Variants in USP43 observed in about 807,000 individuals in gnomAD.
USP43 encodes ubiquitin specific peptidase 43, also known as ubiquitin carboxyl-terminal hydrolase 43.
A neutral mutation model predicts 90.7 loss-of-function variants in USP43; 33 were observed. The ratio of observed to expected loss-of-function variants is 0.36; its 90% confidence interval spans 0.28 to 0.49. USP43 has a LOEUF of 0.49. Ranked by LOEUF, USP43 falls within the 20% of genes least tolerant of loss-of-function variation. USP43 has a pLI of 0.98. For missense variants in USP43, 1,274 were observed against 1,476.4 expected (o/e 0.86, Z 2.25); for synonymous variants, 598 against 615.8 (o/e 0.97, Z 0.43).
chr17:9,681,509 T>TATATATATATATATA (rs58110468), intron 6 of USP43, among the ~76,000 whole-genome samples: 2 of 110,682 alleles, frequency 1.8e-5, no homozygotes, highest in East Asian at 2.2e-4. Flanking sequence ...TATATATATA[T>TATATATATATATATA]TTGAGATGGT....
chr17:9,718,465 G>A (rs73259666), intron 14 of USP43, among the ~76,000 whole-genome samples: 1,887 of 152,188 alleles, frequency 0.012, 45 homozygotes, highest in African/African-American at 0.04. Context: ...CTTCCCCAGC[G>A]TGTGGCATTT....
intron 7 of USP43, 31 bp downstream of exon 7, chr17:9,682,989 G>T: frequency 6.2e-7 from 1 of 1,606,040 alleles, no homozygotes; most frequent in Non-Finnish European, 8.5e-7. Context: ...TTTTCATGTG[G>T]TGTCTGGGAT....
chr17:9,718,044 C>T (rs1916698834), intron 14 of USP43, among the ~76,000 whole-genome samples: 1 of 152,100 alleles, frequency 6.6e-6, no homozygotes, highest in South Asian at 2.1e-4. Context: ...GATCTGCCCA[C>T]CTCGGCCTCC....
chr17:9,697,666 CTT>C (rs56661274), intron 9 of USP43, among the ~76,000 whole-genome samples: 27 of 136,636 alleles, frequency 2.0e-4, no homozygotes, highest in Admixed American at 2.9e-4. Flanking sequence ...AACAGGAATT[CTT>C]TTTTTTTTTT....
chr17:9,686,969 G>A lies in USP43; in HGVS notation c.1353+60G>A. ...TGCATGCGCATGTGCATGCGTGTGT[G>A]TGGGTGTGTGTATTGGGAGGGGTGG... is the stretch of plus-strand genomic sequence containing the variant. On this transcript the variant is annotated intron_variant, in intron 8 of 14. Coordinates refer to ENST00000285199, the MANE Select transcript of USP43 (RefSeq NM_153210.5). The surrounding 1 kb of genome is among the most constrained non-coding windows in gnomAD (Gnocchi z 5.5). 1 of 1,481,910 alleles carries A rather than the reference G, an allele frequency of 6.7e-7. No individual in the cohort carries two copies. The highest frequency in any genetic ancestry group is 9.3e-7 in the Non-Finnish European group (1 of 1,076,118). The allele number at this position is 1,481,910 out of a possible 1,614,324, so 91.8% of individuals were successfully genotyped here.
chr17:9,651,675 G>T (rs1371223984), intron 1 of USP43, among the ~76,000 whole-genome samples: 3 of 152,098 alleles, frequency 2.0e-5, no homozygotes, highest in African/African-American at 7.2e-5. Flanking sequence ...TTAGCCATCT[G>T]GAATTTATAT....
rs372774967 is a variant in USP43 at position 9,728,290 on chromosome 17, C to T, written c.2672C>T (p.Pro891Leu). 5.6e-6 allele frequency: 9 copies of T among 1,613,200 alleles called. No individual in the cohort carries two copies. Among genetic ancestry groups the T allele is most frequent in the African/African-American group, 4.0e-5 (3 of 75,020 alleles). The change falls in exon 15 of 15, where the codon CCC becomes CTC. Residue 891 changes from proline (P) to leucine (L), a missense_variant. Pro to Leu is a moderately conservative substitution (Grantham distance 98). Around this residue, in one of 6 missense-constraint regions of USP43, gnomAD observed 353 missense variants for 329.7 expected, o/e 1.07. Transcript: ENST00000285199. The surrounding 1 kb of genome is among the most constrained non-coding windows in gnomAD (Gnocchi z 6.2). ...ATTGAAAGAGGTCCAGCCGGGGTGCCCTGTCCCTCGGCTCAACCCAACCAC... is the reference window on the plus strand; with the variant it reads ...ATTGAAAGAGGTCCAGCCGGGGTGCTCTGTCCCTCGGCTCAACCCAACCAC... Reference protein sequence around the residue: ...RAIERGPAGVPCPSAQPNHCL... With the variant: ...RAIERGPAGVLCPSAQPNHCL...
upstream of USP43, chr17:9,645,474 C>T (rs1911297052): frequency 1.6e-6 from 1 of 632,234 alleles, no homozygotes; most frequent in East Asian, 5.5e-5. This position sits in a 1 kb window ranked among gnomAD's most constrained non-coding sequence, Gnocchi z 6.8. Context: ...CCGCGCGGGG[C>T]GGGGCTGCCC....
chr17:9,681,465 TA>T lies in USP43; in HGVS notation c.1105+1100del, dbSNP rs1914256981. Among the ~76,000 whole-genome samples the T allele has an allele frequency of 4.5e-3, 326 of 72,992 alleles. 11 individuals carry two copies. The highest frequency in any genetic ancestry group is 5.5e-3 in the Non-Finnish European group (175 of 31,906). The allele number at this position is 72,992 out of a possible 152,430, so 47.9% of individuals were successfully genotyped here. On this transcript the variant is annotated intron_variant, in intron 6 of 14. Transcript: ENST00000285199. ...AGATAAATATATATAAAATATATTA[TA>T]TATATATATATATATATATATATAT...
chr17:9,720,092 G>A (rs558919643), intron 14 of USP43, among the ~76,000 whole-genome samples: 6 of 151,424 alleles, frequency 4.0e-5, no homozygotes, highest in East Asian at 2.0e-4. Flanking sequence ...CTAGGAAGCC[G>A]AGGCAGGCAG....
intron 14 of USP43, 69 bp downstream of exon 14, chr17:9,712,201 A>G: frequency 6.9e-7 from 1 of 1,444,920 alleles, no homozygotes. Flanking sequence ...CTCAGTATGA[A>G]AGCGCTGTCA....
chr17:9,710,651 C>A (rs749991139), intron 13 of USP43, among the ~76,000 whole-genome samples: 3 of 151,658 alleles, frequency 2.0e-5, no homozygotes, highest in Non-Finnish European at 2.9e-5. Context: ...AGTACAGGCA[C>A]GTGCCACCAC....
intron 2 of USP43, among the ~76,000 whole-genome samples, chr17:9,662,651 T>C (rs537884047): frequency 7.4e-4 from 113 of 152,264 alleles, no homozygotes; most frequent in African/African-American, 2.5e-3. Flanking sequence ...TCCAAACTTA[T>C]GCTTCTTCAT....
chr17:9,681,185 C>G lies in USP43; in HGVS notation c.1105+819C>G, dbSNP rs867745979. 4.0e-4 allele frequency among the ~76,000 whole-genome samples: 21 copies of G among 52,632 alleles called. 1 individual carries two copies. The highest frequency in any genetic ancestry group is 1.7e-3 in the African/African-American group (15 of 8,684). The allele number at this position is 52,632 out of a possible 152,430, so 34.5% of individuals were successfully genotyped here. A position where few individuals can be genotyped will look rare whatever the true frequency, so the allele number is the denominator to read the frequency against. On this transcript the variant is annotated intron_variant, in intron 6 of 14. Coordinates refer to ENST00000285199, the MANE Select transcript of USP43 (RefSeq NM_153210.5). ...TATATAATATATACTATATAATATACTATATAATATATACTATATAATATA... is the reference window on the plus strand; with the variant it reads ...TATATAATATATACTATATAATATAGTATATAATATATACTATATAATATA...
chr17:9,668,185 G>C (rs956420754), intron 3 of USP43, among the ~76,000 whole-genome samples: 3 of 152,090 alleles, frequency 2.0e-5, no homozygotes, highest in African/African-American at 7.2e-5. Flanking sequence ...TCTCCGAGTC[G>C]TCTGGATAAT....
chr17:9,712,490 G>C (rs774715368), intron 14 of USP43, among the ~76,000 whole-genome samples: 3 of 152,306 alleles, frequency 2.0e-5, no homozygotes, highest in Admixed American at 6.5e-5. Flanking sequence ...GAGATAGGAC[G>C]GGCGGGTAAC....
rs1204662917 is a variant in USP43, at chr17:9,674,272, G to T, written c.741-619G>T. 3.9e-5 allele frequency among the ~76,000 whole-genome samples: 6 copies of T among 152,080 alleles called. No individual in the cohort carries two copies. Among genetic ancestry groups the T allele is most frequent in the Non-Finnish European group, 8.8e-5 (6 of 68,018 alleles). ...ACATTCTTTTCCCTTTTAAAAAAAC[G>T]GAGGTGAAAGTCCTGTAACATAAAG... is the stretch of plus-strand genomic sequence containing the variant. On this transcript the variant is annotated intron_variant, in intron 3 of 14. Transcript: ENST00000285199. This position sits in a 1 kb window ranked among gnomAD's most constrained non-coding sequence, Gnocchi z 4.4.
At chr17:9,700,625 G>A (rs1434011601) in intron 10 of USP43, among the ~76,000 whole-genome samples, 2 of 152,172 alleles carry the variant, frequency 1.3e-5, no homozygotes, top group Non-Finnish European at 2.9e-5. Context: ...GGATACTCCT[G>A]TAATCCACAT....
Position 9,680,369 on chromosome 17 carries a change from A to G in USP43, c.1105+3A>G. The G allele has an allele frequency of 3.7e-6, 6 of 1,613,800 alleles. No individual in the cohort carries two copies. The highest frequency in any genetic ancestry group is 1.3e-5 in the African/African-American group (1 of 75,052). ...ACCCAGCCAGGGGACTCTCTCAGGT[A>G]TAACAGGTGCTTTGCACAATTTTAT... On this transcript the variant is annotated splice_donor_region_variant and intron_variant, in intron 6 of 14. Transcript: ENST00000285199.
Sources: allele counts gnomAD v4.1 joint callset (sites outside exome capture counted in the v4.1 genomes callset), GRCh38; gene constraint gnomAD v4.1.1; regional missense constraint gnomAD v4.1.1; non-coding constraint Gnocchi (gnomAD v3.1); transcripts MANE v1.5; gene names NCBI Gene and HGNC (gene_info 2026-07-23, HGNC 2026-07-21).